Variants in CFAP47 observed in about 807,000 individuals in gnomAD.
CFAP47 encodes cilia- and flagella-associated protein 47.
A neutral mutation model predicts 148.1 loss-of-function variants in CFAP47; 29 were observed. The ratio of observed to expected loss-of-function variants is 0.20; its 90% CI spans 0.15 to 0.27. The LOEUF (loss-of-function observed/expected upper bound fraction) is 0.27. Ranked by LOEUF, CFAP47 falls within the 10% of genes least tolerant of loss-of-function variation. The pLI is 1.00. For synonymous variants in CFAP47, 664 were observed against 577.3 expected (o/e 1.15, Z -2.15); for missense variants, 1,872 against 1,697.5 (o/e 1.10, Z -1.81).
intron 57 of CFAP47, among the ~76,000 whole-genome samples, chrX:36,338,641 C>T (rs781887706): frequency 8.9e-6 from 1 of 111,743 alleles, no homozygotes; most frequent in South Asian, 3.8e-4. Flanking sequence ...TTCCTGCCCC[C>T]CTAACTTCCT....
chrX:36,036,337 A>G (rs1937338098), intron 24 of CFAP47, among the ~76,000 whole-genome samples: 1 of 107,425 alleles, frequency 9.3e-6, no homozygotes, highest in African/African-American at 3.5e-5. Context: ...TTTACTTACA[A>G]TAATGTCCTC....
chrX:36,044,952 A>G (rs1937447417), intron 25 of CFAP47, among the ~76,000 whole-genome samples: 1 of 112,168 alleles, frequency 8.9e-6, no homozygotes, highest in Non-Finnish European at 1.9e-5. Context: ...ACTTTACTGA[A>G]TTGATCAGTT....
chrX:36,344,257 G>A (rs73631105), intron 57 of CFAP47, among the ~76,000 whole-genome samples: 216 of 61,357 alleles, frequency 3.5e-3, no homozygotes, highest in African/African-American at 9.5e-3. Flanking sequence ...AAGAGAGAAA[G>A]AAAAAAAAAA....
intron 33 of CFAP47, among the ~76,000 whole-genome samples, chrX:36,111,156 T>A (rs368126319): frequency 8.8e-4 from 98 of 111,458 alleles, no homozygotes; most frequent in African/African-American, 3.1e-3. Context: ...ATAGGACTAG[T>A]GAGAGGGCAT....
At chrX:36,127,893 TTGTC>T (rs999515898) in intron 33 of CFAP47, among the ~76,000 whole-genome samples, 10 of 111,119 alleles carry the variant, frequency 9.0e-5, no homozygotes, top group African/African-American at 3.3e-4. Flanking sequence ...GGTTCTTTGT[TTGTC>T]TATTATTGGT....
At chrX:36,314,593 A>G (rs868991068) in intron 56 of CFAP47, among the ~76,000 whole-genome samples, 1 of 111,692 alleles carries the variant, frequency 9.0e-6, no homozygotes, top group African/African-American at 3.3e-5. Context: ...ATGGTTCTCA[A>G]TGTACAGAGA....
At chrX:36,307,603 T>G (rs1327924357) in intron 55 of CFAP47, among the ~76,000 whole-genome samples, 1 of 111,066 alleles carries the variant, frequency 9.0e-6, no homozygotes, top group Non-Finnish European at 1.9e-5. Flanking sequence ...CCATTTATAT[T>G]ATTTTTACTT....
At chrX:36,045,744 T>G (rs1270860761) in intron 25 of CFAP47, among the ~76,000 whole-genome samples, 1 of 112,277 alleles carries the variant, frequency 8.9e-6, no homozygotes, top group African/African-American at 3.2e-5. Flanking sequence ...AAAGCAGTTT[T>G]AAATCAATAA....
In CFAP47 at chrX:36,375,711, G is replaced by A. The variant is rs985741261; in HGVS notation, c.9186-3639G>A. The stretch of plus-strand genomic sequence containing the variant: ...TTGCTCATTTAAAGCAGTTATCTTC[G>A]CCAGACTTTATGAATTGGCTTCAGT... On this transcript the variant is annotated intron_variant, in intron 62 of 63. Transcript: ENST00000378653. Among the ~76,000 whole-genome samples the A allele has an allele frequency of 4.5e-5, 5 of 112,091 alleles. No homozygotes were observed. The South Asian group carries it at 1.1e-3, about 25-fold the overall frequency.
chrX:36,137,894 C>T, intron 33 of CFAP47, 64 bp from the exon 34 acceptor site: 1 of 461,313 alleles, frequency 2.2e-6, no homozygotes, highest in South Asian at 4.6e-5. Context: ...GCTCAAATTT[C>T]CATAGGTATC....
At chrX:36,109,528 T>C (rs186098982) in intron 33 of CFAP47, among the ~76,000 whole-genome samples, 316 of 111,432 alleles carry the variant, frequency 2.8e-3, no homozygotes, top group African/African-American at 9.7e-3. Flanking sequence ...CAGGCTGGAG[T>C]GCAGTGGCAC....
intron 62 of CFAP47, among the ~76,000 whole-genome samples, chrX:36,378,509 T>G (rs1942044823): frequency 8.9e-6 from 1 of 112,125 alleles, no homozygotes. Flanking sequence ...TAGTTCCAAT[T>G]TGTATAGATT....
chrX:36,004,338 T>C (rs755458597), intron 21 of CFAP47, among the ~76,000 whole-genome samples: 8 of 111,092 alleles, frequency 7.2e-5, no homozygotes, highest in African/African-American at 2.3e-4. Flanking sequence ...GGAAGGCAAT[T>C]TAATTCACAA....
chrX:36,069,425 A>C (rs1937704727), intron 27 of CFAP47, among the ~76,000 whole-genome samples: 1 of 111,374 alleles, frequency 9.0e-6, no homozygotes, highest in African/African-American at 3.3e-5. Flanking sequence ...ATCTCTTTAA[A>C]ATAAATAAAT....
chrX:36,138,107 T>C (rs773093103), intron 34 of CFAP47, 52 bp downstream of exon 34: 2 of 594,993 alleles, frequency 3.4e-6, no homozygotes, highest in East Asian at 7.2e-5. Context: ...AAAAACTTAG[T>C]GATTAAAATT....
At chrX:36,348,085 G>A (rs1941713571) in intron 57 of CFAP47, 44 bp from the exon 58 acceptor site, 1 of 758,992 alleles carries the variant, frequency 1.3e-6, no homozygotes, top group South Asian at 4.1e-5. Flanking sequence ...ATTATAGTCT[G>A]TTAATATTTA....
Position 35,967,852 on chromosome X carries a change from C to T in CFAP47, c.1814+20C>T, listed in dbSNP as rs1321261339. 7 of 1,135,920 alleles carry T rather than the reference C, an allele frequency of 6.2e-6. No homozygotes were observed. In the Admixed American group the frequency reaches 9.2e-5, roughly 15 times the overall value. 93.6% of individuals were successfully genotyped at this position (1,135,920 alleles called of 1,213,427 possible). A position where few individuals can be genotyped will look rare whatever the true frequency, so the allele number is the denominator to read the frequency against. ...TTTCAGGTAACATGAAATATTAAAA[C>T]CCTGAAATTTGGAAAAGCTTAATGG... On this transcript the variant is annotated intron_variant, in intron 10 of 63. Transcript: ENST00000378653.
intron 49 of CFAP47, among the ~76,000 whole-genome samples, chrX:36,258,015 G>C (rs1555999292): frequency 8.9e-6 from 1 of 111,917 alleles, no homozygotes; most frequent in African/African-American, 3.2e-5. Flanking sequence ...TTTTGATTTT[G>C]TCAAAATTCA....
intron 63 of CFAP47, among the ~76,000 whole-genome samples, chrX:36,383,628 T>G (rs1177791657): frequency 8.9e-6 from 1 of 111,865 alleles, no homozygotes; most frequent in Admixed American, 9.5e-5. Context: ...AATACATAAT[T>G]ATTACAAACA....
Sources: gnomAD v4.1 joint callset for allele counts (sites outside exome capture counted in the v4.1 genomes callset) on GRCh38, gnomAD v4.1.1 for gene constraint, MANE v1.5 for transcripts, NCBI Gene and HGNC (gene_info 2026-07-23, HGNC 2026-07-21) for gene names.